PIK3R3: variants seen among roughly 807,000 people sequenced by gnomAD.
The protein encoded by PIK3R3 is phosphoinositide-3-kinase regulatory subunit 3, also known as phosphatidylinositol 3-kinase regulatory subunit gamma.
In PIK3R3, 64 loss-of-function variants were observed where a neutral mutation model predicts 62.9. The ratio of observed to expected loss-of-function variants is 1.02; its 90% CI spans 0.83 to 1.25. PIK3R3 has a LOEUF of 1.25. PIK3R3 is among the 50% of genes most tolerant of loss of function. The pLI is 0.00. For missense variants in PIK3R3, 614 were observed against 561.6 expected, an observed-to-expected ratio of 1.09 and a Z score of -0.94; for synonymous variants, 165 against 189.0, an observed-to-expected ratio of 0.87 and a Z score of 1.04.
chr1:46,117,543 T>C (rs757623934), intron 1 of PIK3R3, among the ~76,000 whole-genome samples: 4 of 152,190 alleles, frequency 2.6e-5, no homozygotes, highest in Non-Finnish European at 5.9e-5. Context: ...ATACTGTTAG[T>C]TGGCAACTGG....
At chr1:46,127,356 A>AC (rs10647944) in intron 1 of PIK3R3, among the ~76,000 whole-genome samples, 1 of 133,962 alleles carries the variant, frequency 7.5e-6, no homozygotes, top group Non-Finnish European at 1.6e-5. Context: ...AAAAAAAAAA[A>AC]ATATATATAT....
At chr1:46,149,514 T>TTG in the PIK3R3 span, among the ~76,000 whole-genome samples, 1 of 151,912 alleles carries the variant, frequency 6.6e-6, no homozygotes, top group Non-Finnish European at 1.5e-5. Context: ...TATATGTTCT[T>TTG]TGTGTGTGTG....
chr1:46,089,249 C>G (rs1214883058), intron 1 of PIK3R3, among the ~76,000 whole-genome samples: 1 of 152,054 alleles, frequency 6.6e-6, no homozygotes, highest in African/African-American at 2.4e-5. Context: ...AGGATGACAG[C>G]TGAAAACAAG....
At chr1:46,145,038 G>A in the PIK3R3 span, among the ~76,000 whole-genome samples, 30 of 150,630 alleles carry the variant, frequency 2.0e-4, 2 homozygotes, top group South Asian at 5.7e-3. Flanking sequence ...CAGGAGAATC[G>A]CTTGAACCCA....
rs1053336628 is a variant in PIK3R3, at chr1:46,046,533, G to A, written c.1016+18C>T. 1 of 1,540,638 alleles carries A rather than the reference G, an allele frequency of 6.5e-7. No individual in the cohort carries two copies. The highest frequency in any genetic ancestry group is 1.4e-5 in the African/African-American group (1 of 73,658). ...TGATAACAAAGCCCTCTGACAGAAA[G>A]GTATAGAGAGAACTTACTCATCAGC... On this transcript the variant is annotated intron_variant, in intron 8 of 9. Coordinates refer to ENST00000262741, the MANE Select transcript of PIK3R3 (RefSeq NM_003629.4).
In PIK3R3 at chr1:46,061,977, T is replaced by A. The variant is rs1289283409; in HGVS notation, c.716A>T (p.Glu239Val). The A allele has an allele frequency of 2.5e-6, 4 of 1,613,490 alleles. No individual in the cohort carries two copies. Among genetic ancestry groups the A allele is most frequent in the Non-Finnish European group, 3.4e-6 (4 of 1,179,430 alleles). Residue 239 changes from glutamate to valine, a missense_variant, in exon 6 of 10, where the codon GAA (glutamate) becomes GTA (valine). Physicochemically the swap from Glu to Val is moderately radical, Grantham distance 121. Transcript: ENST00000262741. Reference protein sequence around the residue: ...QCHTQEQHSKEYIERFRREGN... With the variant: ...QCHTQEQHSKVYIERFRREGN... ...CTCTCTGCGAAATCGCTCAATATAT[T>A]CTTTGCTATGTTGTTCTTGTGTGTG...
intron 3 of PIK3R3, among the ~76,000 whole-genome samples, chr1:46,071,477 C>T (rs947452409): frequency 6.6e-6 from 1 of 151,332 alleles, no homozygotes; most frequent in African/African-American, 2.4e-5. Flanking sequence ...GGGCAGATCA[C>T]CTGAGGTCAG....
In PIK3R3 at chr1:46,042,080, AC is replaced by A. The variant is rs1217974843; in HGVS notation, c.*1592del. On this transcript the variant is annotated 3_prime_UTR_variant, in exon 10 of 10. Transcript: ENST00000262741. This position sits in a 1 kb window ranked among gnomAD's most constrained non-coding sequence, Gnocchi z 4.3. The stretch of plus-strand genomic sequence containing the variant: ...CCTGACTGCACAGCTTTGGGTTCAA[AC>A]AGCTGACTCACTCTGAGCCTATTAT... The A allele has an allele frequency of 4.5e-6, 1 of 221,876 alleles. No individual in the cohort carries two copies. Among genetic ancestry groups the A allele is most frequent in the Non-Finnish European group, 9.0e-6 (1 of 110,920 alleles). 13.7% of individuals were successfully genotyped at this position (221,876 alleles called of 1,614,324 possible).
At chr1:46,155,912 T>A in the PIK3R3 span, among the ~76,000 whole-genome samples, 1 of 152,214 alleles carries the variant, frequency 6.6e-6, no homozygotes, top group Non-Finnish European at 1.5e-5. Context: ...TTACGTATTG[T>A]CTGTGGAGGC....
chr1:46,165,233 G>T, the PIK3R3 span, among the ~76,000 whole-genome samples: 5 of 151,592 alleles, frequency 3.3e-5, no homozygotes, highest in Admixed American at 2.6e-4. Context: ...GCCATTTAGG[G>T]AGCACTATTC....
At chr1:46,137,058 ATGAGGAAAT>A (rs1253962084), upstream of PIK3R3, among the ~76,000 whole-genome samples, 1 of 152,138 alleles carries the variant, frequency 6.6e-6, no homozygotes, top group Non-Finnish European at 1.5e-5. Flanking sequence ...CATTTTACAG[ATGAGGAAAT>A]TGAGACCCAG....
rs1031388121 is a variant in PIK3R3, at chr1:46,045,617, C to CTTTTTTTTTT, written c.1187+291_1187+300dup. 1.8e-3 allele frequency among the ~76,000 whole-genome samples: 38 copies of CTTTTTTTTTT among 21,204 alleles called. 13 individuals are homozygous for CTTTTTTTTTT. Among genetic ancestry groups the CTTTTTTTTTT allele is most frequent in the Admixed American group, 2.5e-3 (4 of 1,576 alleles). The allele number at this position is 21,204 out of a possible 152,430, so 13.9% of individuals were successfully genotyped here. On this transcript the variant is annotated intron_variant, in intron 9 of 9. Coordinates refer to ENST00000262741, the MANE Select transcript of PIK3R3 (RefSeq NM_003629.4). ...TAGGATACTACTAAACAATTAAGTGCTTTTTTTTTTTTTTTTTTTTTTTTT... is the reference window on the plus strand; with the variant it reads ...TAGGATACTACTAAACAATTAAGTGCTTTTTTTTTTTTTTTTTTTTTTTTTTTTTTTTTTT...
intron 1 of PIK3R3, among the ~76,000 whole-genome samples, chr1:46,106,778 CT>C (rs1438071191): frequency 6.6e-6 from 1 of 151,710 alleles, no homozygotes; most frequent in Non-Finnish European, 1.5e-5. Context: ...TTGCCTTAGT[CT>C]TTTTTTTCTT....
At chr1:46,099,493 G>T (rs963244737) in intron 1 of PIK3R3, among the ~76,000 whole-genome samples, 2 of 151,828 alleles carry the variant, frequency 1.3e-5, no homozygotes, top group African/African-American at 4.8e-5. Context: ...AACATATTTT[G>T]TATCTTTATG....
chr1:46,055,297 G>A (rs1156693243), intron 7 of PIK3R3, among the ~76,000 whole-genome samples: 1 of 152,028 alleles, frequency 6.6e-6, no homozygotes, highest in Non-Finnish European at 1.5e-5. Context: ...TAGTAGAAAC[G>A]GAGTTTCACT....
chr1:46,155,443 T>A, the PIK3R3 span, among the ~76,000 whole-genome samples: 11 of 151,706 alleles, frequency 7.3e-5, no homozygotes, highest in African/African-American at 2.7e-4. Context: ...GTTTCCTTTT[T>A]CTTTTTTTCC....
At chr1:46,101,622 C>T (rs371168002) in intron 1 of PIK3R3, among the ~76,000 whole-genome samples, 3 of 152,168 alleles carry the variant, frequency 2.0e-5, no homozygotes, top group South Asian at 2.1e-4. Flanking sequence ...AAATGAGTAA[C>T]GTTCTGATAC....
At chr1:46,118,310 C>T (rs1293684597) in intron 1 of PIK3R3, among the ~76,000 whole-genome samples, 1 of 80,422 alleles carries the variant, frequency 1.2e-5, no homozygotes, top group Non-Finnish European at 2.7e-5. Context: ...TACCCTTGTC[C>T]AAGCCACCAT....
At chr1:46,169,605 T>TGA in the PIK3R3 span, among the ~76,000 whole-genome samples, 2 of 152,046 alleles carry the variant, frequency 1.3e-5, no homozygotes, top group Non-Finnish European at 2.9e-5. Context: ...CTTGCCAAAG[T>TGA]TCACACAGCA....
Sources: gnomAD v4.1 joint callset for allele counts (sites outside exome capture counted in the v4.1 genomes callset) on GRCh38, gnomAD v4.1.1 for gene constraint, Gnocchi (gnomAD v3.1) non-coding constraint, MANE v1.5 for transcripts, NCBI Gene and HGNC (gene_info 2026-07-23, HGNC 2026-07-21) for gene names.